Variants in ASCC3 observed in about 807,000 individuals in gnomAD.
The protein encoded by ASCC3 is activating signal cointegrator 1 complex subunit 3, also known as ASC-1 complex subunit P200.
In ASCC3, 158 loss-of-function variants were observed where a neutral mutation model predicts 256.3. The observed-to-expected ratio is 0.62, with a 90% confidence interval of 0.54 to 0.70. The LOEUF is 0.70. Among genes scored for constraint, ASCC3 ranks in the 30% least tolerant of loss-of-function variants. The pLI is 0.00. For synonymous variants in ASCC3, 948 were observed against 883.4 expected, an observed-to-expected ratio of 1.07 and a Z score of -1.30; for missense variants, 2,259 against 2,626.0, an observed-to-expected ratio of 0.86 and a Z score of 3.05.
At chr6:100,714,278 T>C (rs949831231) in intron 13 of ASCC3, among the ~76,000 whole-genome samples, 1 of 152,156 alleles carries the variant, frequency 6.6e-6, no homozygotes, top group African/African-American at 2.4e-5. Context: ...AGTTTTTATT[T>C]AGTAGGATTT....
chr6:100,560,793 GCA>G (rs1482505583), intron 36 of ASCC3, among the ~76,000 whole-genome samples: 1 of 99,004 alleles, frequency 1.0e-5, no homozygotes, highest in African/African-American at 4.2e-5. Flanking sequence ...ACACACACAC[GCA>G]CACATAACAG....
intron 36 of ASCC3, among the ~76,000 whole-genome samples, chr6:100,546,715 C>T (rs183631745): frequency 6.6e-6 from 1 of 152,204 alleles, no homozygotes; most frequent in East Asian, 1.9e-4. Flanking sequence ...TATCATAAAG[C>T]TGAATTGCTG....
At chr6:100,751,529 G>A (rs973343947) in intron 10 of ASCC3, among the ~76,000 whole-genome samples, 50 of 151,604 alleles carry the variant, frequency 3.3e-4, no homozygotes, top group African/African-American at 3.4e-4. Context: ...CTATAGACAC[G>A]TTACCATGCA....
chr6:100,679,320 C>A (rs1777176728), intron 14 of ASCC3, among the ~76,000 whole-genome samples: 1 of 151,548 alleles, frequency 6.6e-6, no homozygotes, highest in Non-Finnish European at 1.5e-5. Context: ...CAATAATAAG[C>A]CCATTAGATG....
chr6:100,518,251 T>C (rs1774135765), intron 37 of ASCC3, 109 bp from the exon 38 acceptor site: 1 of 1,191,070 alleles, frequency 8.4e-7, no homozygotes, highest in African/African-American at 1.5e-5. Context: ...AAGCATTGTA[T>C]CTCTAAATTA....
At chr6:100,613,282 A>G (rs1773501061) in intron 30 of ASCC3, among the ~76,000 whole-genome samples, 1 of 151,808 alleles carries the variant, frequency 6.6e-6, no homozygotes, top group South Asian at 2.1e-4. Flanking sequence ...TCTCCATTGT[A>G]TATTATTCCT....
intron 4 of ASCC3, among the ~76,000 whole-genome samples, chr6:100,844,811 T>C (rs1417530616): frequency 1.3e-5 from 2 of 152,118 alleles, no homozygotes; most frequent in Non-Finnish European, 2.9e-5. Context: ...GGTTGTTTTA[T>C]TAGTACAACA....
At chr6:100,704,580 G>C (rs1778496256) in intron 13 of ASCC3, among the ~76,000 whole-genome samples, 1 of 151,908 alleles carries the variant, frequency 6.6e-6, no homozygotes, top group Non-Finnish European at 1.5e-5. Context: ...ATTTTCTTCA[G>C]ATAGTAATAA....
chr6:100,718,348 G>A lies in ASCC3; in HGVS notation c.1903-97C>T, dbSNP rs549395975. 3.0e-6 allele frequency: 3 copies of A among 1,006,454 alleles called. No homozygotes were observed. The East Asian group carries it at 7.9e-5, about 26-fold the overall frequency. The allele number at this position is 1,006,454 out of a possible 1,614,324, so 62.3% of individuals were successfully genotyped here. On this transcript the variant is annotated intron_variant, in intron 11 of 41. Coordinates refer to ENST00000369162, the MANE Select transcript of ASCC3 (RefSeq NM_006828.4). Reference sequence around the variant, plus strand: ...ATTAATAGGACTTCTAAAAACTCTAGACAGAGATGAGTGTAGAGGTCAATT... The same window carrying A: ...ATTAATAGGACTTCTAAAAACTCTAAACAGAGATGAGTGTAGAGGTCAATT...
At chr6:100,670,350 G>A (rs1318852002) in intron 14 of ASCC3, among the ~76,000 whole-genome samples, 1 of 151,836 alleles carries the variant, frequency 6.6e-6, no homozygotes, top group Non-Finnish European at 1.5e-5. Flanking sequence ...TTCCCCTGTA[G>A]ACACCACAAA....
chr6:100,693,941 A>T lies in ASCC3; in HGVS notation c.2152-14189T>A, dbSNP rs570601220. On this transcript the variant is annotated intron_variant, in intron 13 of 41. Coordinates refer to ENST00000369162, the MANE Select transcript of ASCC3 (RefSeq NM_006828.4). ...AATCCACATCTCTTTTCTCACTTCC[A>T]AACAGCACACTTCTCCCTACTCCTA... is the stretch of plus-strand genomic sequence containing the variant. Among the ~76,000 whole-genome samples the T allele has an allele frequency of 1.8e-4, 28 of 152,240 alleles. No homozygotes were observed. The East Asian group carries it at 5.2e-3, about 28-fold the overall frequency.
intron 7 of ASCC3, 39 bp downstream of exon 7, chr6:100,799,392 G>T (rs1186085825): frequency 6.2e-7 from 1 of 1,601,822 alleles, no homozygotes; most frequent in Non-Finnish European, 8.5e-7. Flanking sequence ...CTTTAGAATA[G>T]ACATATTATT....
intron 21 of ASCC3, 94 bp downstream of exon 21, chr6:100,647,132 T>C: frequency 8.7e-7 from 1 of 1,153,950 alleles, no homozygotes. Context: ...TTTATTTTGA[T>C]TAATGTGGAA....
intron 10 of ASCC3, among the ~76,000 whole-genome samples, chr6:100,759,851 C>T (rs1781348940): frequency 6.6e-6 from 1 of 152,152 alleles, no homozygotes; most frequent in Non-Finnish European, 1.5e-5. Context: ...GTTTGTAGTT[C>T]TCCTTGAAGA....
intron 40 of ASCC3, 88 bp from the exon 41 acceptor site, chr6:100,510,195 G>GA: frequency 7.3e-7 from 1 of 1,372,772 alleles, no homozygotes; most frequent in East Asian, 2.3e-5. Context: ...TGTCTTACTT[G>GA]AAGGCCATAC....
At chr6:100,842,264 C>CA (rs1416268737) in intron 4 of ASCC3, among the ~76,000 whole-genome samples, 6 of 151,800 alleles carry the variant, frequency 4.0e-5, no homozygotes, top group African/African-American at 1.2e-4. Flanking sequence ...ATTCTAGTTA[C>CA]AAAAAAAACT....
chr6:100,587,701 G>T (rs1771774901), intron 36 of ASCC3, among the ~76,000 whole-genome samples: 1 of 152,128 alleles, frequency 6.6e-6, no homozygotes, highest in Non-Finnish European at 1.5e-5. Flanking sequence ...TTTTCAGATG[G>T]TTCCATTTAT....
chr6:100,646,777 A>G lies in ASCC3; in HGVS notation c.3479-8T>C, dbSNP rs757586496. 2 of 1,613,344 alleles carry G rather than the reference A, an allele frequency of 1.2e-6. No individual in the cohort carries two copies. The highest frequency in any genetic ancestry group is 2.2e-5 in the South Asian group (2 of 91,046). On this transcript the variant is annotated splice_region_variant and splice_polypyrimidine_tract_variant and intron_variant, in intron 21 of 41. Transcript: ENST00000369162. Reference sequence around the variant, plus strand: ...CATGATGTAAAATGTGACCTGCAAGAAAAATATCACATAGAAGAAATGTGT... The same window carrying G: ...CATGATGTAAAATGTGACCTGCAAGGAAAATATCACATAGAAGAAATGTGT...
chr6:100,520,095 T>G (rs1306306316), intron 37 of ASCC3, among the ~76,000 whole-genome samples: 3 of 152,154 alleles, frequency 2.0e-5, no homozygotes, highest in African/African-American at 7.2e-5. Context: ...ACTGCTTTAG[T>G]GCAGACCTTC....
Sources: allele counts gnomAD v4.1 joint callset (sites outside exome capture counted in the v4.1 genomes callset), GRCh38; gene constraint gnomAD v4.1.1; transcripts MANE v1.5; gene names NCBI Gene and HGNC (gene_info 2026-07-23, HGNC 2026-07-21).